Variants in PDZD2 observed in about 807,000 individuals in gnomAD.
The protein encoded by PDZD2 is PDZ domain-containing protein 2.
Under a neutral mutation model 220.7 loss-of-function variants are expected in PDZD2, and 90 were observed. The ratio of observed to expected loss-of-function variants is 0.41; its 90% CI spans 0.34 to 0.49. The LOEUF (loss-of-function observed/expected upper bound fraction) is 0.49. Among genes scored for constraint, PDZD2 ranks in the 20% least tolerant of loss-of-function variants. The probability of loss-of-function intolerance (pLI) is 0.28; values close to 1 mark genes in which losing one functional copy is unlikely to be tolerated. For synonymous variants in PDZD2, 1,375 were observed against 1,450.5 expected (o/e 0.95, Z 1.18); for missense variants, 3,174 against 3,608.5 (o/e 0.88, Z 3.08).
At chr5:31,951,027 A>G (rs1401866429) in intron 2 of PDZD2, among the ~76,000 whole-genome samples, 2 of 152,062 alleles carry the variant, frequency 1.3e-5, no homozygotes, top group Non-Finnish European at 2.9e-5. Context: ...GTACCTGCAC[A>G]TGGTGGAAGG....
intron 2 of PDZD2, among the ~76,000 whole-genome samples, chr5:31,805,251 A>T (rs1293789928): frequency 1.3e-5 from 2 of 152,206 alleles, no homozygotes; most frequent in Non-Finnish European, 2.9e-5. Context: ...CTTTTGGCAA[A>T]CTTAGCTCTA....
chr5:32,098,126 T>C lies in PDZD2; in HGVS notation c.7948-238T>C, dbSNP rs538026459. 1.3e-5 allele frequency among the ~76,000 whole-genome samples: 2 copies of C among 152,072 alleles called. No homozygotes were observed. The highest frequency in any genetic ancestry group is 4.2e-4 in the South Asian group (2 of 4,814). On this transcript the variant is annotated intron_variant, in intron 22 of 24. Coordinates refer to ENST00000438447, the MANE Select transcript of PDZD2 (RefSeq NM_178140.4). The surrounding 1 kb of genome is among the most constrained non-coding windows in gnomAD (Gnocchi z 4.1). ...TACAAAAATTAACTTGGCATAGTGGTGTGTGCCTATAATCCCAGCTACTCA... is the reference window on the plus strand; with the variant it reads ...TACAAAAATTAACTTGGCATAGTGGCGTGTGCCTATAATCCCAGCTACTCA...
chr5:32,068,828 T>C (rs1333696000), intron 14 of PDZD2, among the ~76,000 whole-genome samples: 2 of 134,614 alleles, frequency 1.5e-5, no homozygotes, highest in Non-Finnish European at 3.1e-5. Context: ...CAAAAAGCTG[T>C]AATTCTGTGT....
chr5:31,863,724 T>C (rs182108066), intron 2 of PDZD2, among the ~76,000 whole-genome samples: 3 of 152,328 alleles, frequency 2.0e-5, no homozygotes, highest in East Asian at 1.9e-4. Flanking sequence ...CCTCTGTAAG[T>C]ATACCATTCC....
intron 2 of PDZD2, among the ~76,000 whole-genome samples, chr5:31,867,521 T>A (rs576710774): frequency 6.6e-6 from 1 of 152,340 alleles, no homozygotes; most frequent in South Asian, 2.1e-4. Context: ...CCTTTGCTGC[T>A]ACACGGAGAT....
chr5:31,987,286 A>G (rs1307647969), intron 3 of PDZD2, among the ~76,000 whole-genome samples: 1 of 152,224 alleles, frequency 6.6e-6, no homozygotes, highest in Non-Finnish European at 1.5e-5. Flanking sequence ...GTCTATGGGT[A>G]CATTTGTGGT....
chr5:31,931,886 G>T (rs2150392588), intron 2 of PDZD2, among the ~76,000 whole-genome samples: 1 of 152,154 alleles, frequency 6.6e-6, no homozygotes, highest in Non-Finnish European at 1.5e-5. Flanking sequence ...GAGGGGAGGG[G>T]TGGGCCACAG....
At chr5:31,714,344 C>T (rs760256804) in intron 1 of PDZD2, among the ~76,000 whole-genome samples, 5 of 152,156 alleles carry the variant, frequency 3.3e-5, no homozygotes, top group East Asian at 3.9e-4. Flanking sequence ...CTGTGGGTTC[C>T]GCTTGTGTCT....
At position 32,093,018 on chromosome 5, in the gene PDZD2, A is replaced by G. The variant is rs143037464; in HGVS notation, c.7839A>G (p.Gln2613=). ...ILTLIQEAKA[Q]SENEEDVCFI... The stretch of plus-strand genomic sequence containing the variant: ...CTCTCATTCAGGAAGCGAAAGCACA[A>G]TCAGAGGTGAGTGAAACACAGAAAG... Residue 2613 remains glutamine (Q), a synonymous_variant, in exon 21 of 25, where the codon CAA becomes CAG. Transcript: ENST00000438447. The G allele has an allele frequency of 1.0e-4, 151 of 1,495,176 alleles. No individual in the cohort carries two copies. Among genetic ancestry groups the G allele is most frequent in the African/African-American group, 2.4e-4 (17 of 72,300 alleles). The allele number at this position is 1,495,176 out of a possible 1,614,324, so 92.6% of individuals were successfully genotyped here.
In PDZD2 at chr5:31,652,808, C is replaced by T. The variant is rs1456507104; in HGVS notation, c.-361+13371C>T. 3.3e-5 allele frequency among the ~76,000 whole-genome samples: 5 copies of T among 152,206 alleles called. No homozygotes were observed. In the East Asian group the frequency reaches 9.7e-4, roughly 29 times the overall value. ...GGCGGATCACTTGAGGTCAGGAGTT[C>T]GAGACCAGCCTGGCCAACATGGTGA... is the stretch of plus-strand genomic sequence containing the variant. On this transcript the variant is annotated intron_variant, in intron 1 of 24. Transcript: ENST00000438447.
intron 7 of PDZD2, among the ~76,000 whole-genome samples, chr5:32,042,210 C>A (rs562161175): frequency 6.7e-6 from 1 of 148,588 alleles, no homozygotes; most frequent in African/African-American, 2.5e-5. Flanking sequence ...TGCAGTGAGC[C>A]GAGATTGCAC....
intron 12 of PDZD2, among the ~76,000 whole-genome samples, chr5:32,058,586 A>G (rs374386794): frequency 5.9e-5 from 9 of 151,360 alleles, no homozygotes; most frequent in South Asian, 4.2e-4. Context: ...AGGCAAGACA[A>G]TCGCTCGAAC....
chr5:31,662,354 T>A lies in PDZD2; in HGVS notation c.-361+22917T>A, dbSNP rs1745801747. Among the ~76,000 whole-genome samples, 3 of 152,302 alleles carry A rather than the reference T, an allele frequency of 2.0e-5. No homozygotes were observed. In the South Asian group the frequency reaches 6.2e-4, roughly 32 times the overall value. On this transcript the variant is annotated intron_variant, in intron 1 of 24. Coordinates refer to ENST00000438447, the MANE Select transcript of PDZD2 (RefSeq NM_178140.4). ...AATAATTCCTAAAGCCTCTTTTATC[T>A]GTAAAAGAAGAAAACGTCCTGACAC... is the stretch of plus-strand genomic sequence containing the variant.
chr5:31,917,216 T>C (rs1161669340), intron 2 of PDZD2, among the ~76,000 whole-genome samples: 1 of 152,172 alleles, frequency 6.6e-6, no homozygotes, highest in African/African-American at 2.4e-5. Context: ...CAGAGAATAT[T>C]GTAAACTTGT....
At chr5:31,714,221 G>C (rs1010263681) in intron 1 of PDZD2, among the ~76,000 whole-genome samples, 1 of 152,214 alleles carries the variant, frequency 6.6e-6, no homozygotes, top group Non-Finnish European at 1.5e-5. Flanking sequence ...TGGACATAAG[G>C]GTGGCCAGCT....
intron 1 of PDZD2, chr5:31,725,928 T>G: frequency 1.2e-5 from 8 of 676,686 alleles, no homozygotes; most frequent in Non-Finnish European, 2.1e-5. Flanking sequence ...TCCAGCTGCC[T>G]GGGTCTCCAC....
At chr5:31,874,304 T>G (rs1561531505) in intron 2 of PDZD2, among the ~76,000 whole-genome samples, 1 of 152,166 alleles carries the variant, frequency 6.6e-6, no homozygotes, top group Non-Finnish European at 1.5e-5. Context: ...CATTGGCACA[T>G]AAAAATCAAT....
At chr5:31,879,496 T>C (rs1347794497) in intron 2 of PDZD2, among the ~76,000 whole-genome samples, 1 of 151,698 alleles carries the variant, frequency 6.6e-6, no homozygotes, top group Non-Finnish European at 1.5e-5. Context: ...TGAGAGTAAC[T>C]GTAAGTTATT....
chr5:32,096,466 C>T (rs565537456), intron 21 of PDZD2, among the ~76,000 whole-genome samples: 114 of 152,206 alleles, frequency 7.5e-4, no homozygotes, highest in African/African-American at 2.3e-3. Context: ...TACAGGTGTC[C>T]GCCACCACGC....
Sources: gnomAD v4.1 joint callset for allele counts (sites outside exome capture counted in the v4.1 genomes callset) on GRCh38, gnomAD v4.1.1 for gene constraint, Gnocchi (gnomAD v3.1) non-coding constraint, MANE v1.5 for transcripts, NCBI Gene and HGNC (gene_info 2026-07-23, HGNC 2026-07-21) for gene names.